Variants in ZNF382 observed in about 807,000 individuals in gnomAD.
The protein encoded by ZNF382 is KRAB/zinc finger suppressor protein 1.
ZNF382 carries 20 observed loss-of-function variants against 38.8 expected under a neutral mutation model. The ratio of observed to expected loss-of-function variants is 0.51; its 90% CI spans 0.36 to 0.75. ZNF382 has a LOEUF of 0.75. Ranked by LOEUF, ZNF382 falls within the 30% of genes least tolerant of loss-of-function variation. The pLI, the probability that ZNF382 is intolerant of heterozygous loss-of-function variation, is 0.00. For missense variants in ZNF382, 546 were observed against 654.1 expected (o/e 0.83, Z 1.80); for synonymous variants, 202 against 223.1 (o/e 0.91, Z 0.84).
chr19:36,610,078 A>G, intron 3 of ZNF382, 25 bp downstream of exon 3: 2 of 1,611,718 alleles, frequency 1.2e-6, no homozygotes, highest in Non-Finnish European at 8.5e-7. Flanking sequence ...TGAATCTTTC[A>G]CTGTCATGCA....
chr19:36,607,506 C>T, intron 1 of ZNF382, 46 bp from the exon 2 acceptor site: 1 of 1,167,732 alleles, frequency 8.6e-7, no homozygotes, highest in Non-Finnish European at 1.2e-6. Flanking sequence ...AGTTCTGAGT[C>T]AAGTATGGTC....
At chr19:36,619,397 C>T (rs771214603) in intron 4 of ZNF382, among the ~76,000 whole-genome samples, 1 of 152,126 alleles carries the variant, frequency 6.6e-6, no homozygotes, top group Admixed American at 6.5e-5. Context: ...TGTCTTGTTC[C>T]GATGCTTATC....
intron 2 of ZNF382, chr19:36,608,162 T>C (rs1267486605): frequency 6.6e-6 from 1 of 152,564 alleles, no homozygotes; most frequent in Non-Finnish European, 1.5e-5. Flanking sequence ...CGTTGGGAAA[T>C]AGAAGTGGTA....
chr19:36,614,598 C>A (rs1283244709), intron 4 of ZNF382, among the ~76,000 whole-genome samples: 2 of 152,052 alleles, frequency 1.3e-5, no homozygotes, highest in Non-Finnish European at 2.9e-5. Flanking sequence ...CATTAAGTTT[C>A]TCTCTAAGCT....
chr19:36,618,420 C>T (rs865902643), intron 4 of ZNF382, among the ~76,000 whole-genome samples: 1 of 152,154 alleles, frequency 6.6e-6, no homozygotes, highest in Non-Finnish European at 1.5e-5. Context: ...TGGCTTATGC[C>T]AACTTTGGGG....
Position 36,629,602 on chromosome 19 carries a change from G to C in ZNF382, c.*2052G>C, listed in dbSNP as rs1020197104. The C allele has an allele frequency of 6.6e-6, 1 of 152,078 alleles. No homozygotes were observed. Among genetic ancestry groups the C allele is most frequent in the South Asian group, 2.1e-4 (1 of 4,820 alleles). 9.4% of individuals were successfully genotyped at this position (152,078 alleles called of 1,614,324 possible). ...ATTTAACTTGATTGTTTTATTAAAA[G>C]GGAAAAGTAATTTTTTAGTATCTGT... On this transcript the variant is annotated 3_prime_UTR_variant, in exon 5 of 5. Transcript: ENST00000292928.
chr19:36,621,743 C>CTACA (rs2037172478), intron 4 of ZNF382, among the ~76,000 whole-genome samples: 1 of 152,126 alleles, frequency 6.6e-6, no homozygotes, highest in African/African-American at 2.4e-5. Context: ...TATGCAAATA[C>CTACA]TACACTATTT....
At chr19:36,625,089 A>AATTATAT (rs1555793702) in intron 4 of ZNF382, among the ~76,000 whole-genome samples, 1 of 42,972 alleles carries the variant, frequency 2.3e-5, no homozygotes, top group Non-Finnish European at 4.7e-5. Context: ...AATGAATTTA[A>AATTATAT]ATATATATAT....
intron 4 of ZNF382, among the ~76,000 whole-genome samples, chr19:36,615,833 T>C (rs961839691): frequency 1.3e-5 from 2 of 152,190 alleles, no homozygotes; most frequent in African/African-American, 4.8e-5. Context: ...GTTTTAAACA[T>C]AGTAAATATA....
intron 4 of ZNF382, among the ~76,000 whole-genome samples, chr19:36,624,651 T>C (rs1285268765): frequency 6.6e-6 from 1 of 152,198 alleles, no homozygotes; most frequent in East Asian, 1.9e-4. Flanking sequence ...AACTCAAACC[T>C]ATCTTTCCCT....
In ZNF382 at chr19:36,623,793, CA is replaced by C. The variant is rs11454382; in HGVS notation, c.233-2324del. Among the ~76,000 whole-genome samples, 772 of 131,928 alleles carry C rather than the reference CA, an allele frequency of 5.9e-3. 4 individuals are homozygous for C. Among genetic ancestry groups the C allele is most frequent in the Non-Finnish European group, 9.1e-3 (553 of 60,492 alleles). The allele number at this position is 131,928 out of a possible 152,430, so 86.5% of individuals were successfully genotyped here. On this transcript the variant is annotated intron_variant, in intron 4 of 4. Coordinates refer to ENST00000292928, the MANE Select transcript of ZNF382 (RefSeq NM_032825.5). ...TGGGTGACAGAGTGAGACTCTGTCT[CA>C]AAAAAAAAAAAAGGGGCCGGGCGCA...
chr19:36,625,601 C>T (rs544340890), intron 4 of ZNF382, among the ~76,000 whole-genome samples: 2 of 151,296 alleles, frequency 1.3e-5, no homozygotes, highest in Non-Finnish European at 2.9e-5. Flanking sequence ...CTCTTGTTGC[C>T]CAGGCTGGAG....
intron 3 of ZNF382, chr19:36,610,403 T>A: frequency 2.6e-6 from 1 of 390,964 alleles, no homozygotes; most frequent in Non-Finnish European, 4.6e-6. Flanking sequence ...TTGCAGTGAG[T>A]TGAGATTGCA....
intron 4 of ZNF382, among the ~76,000 whole-genome samples, chr19:36,614,519 C>T (rs775702005): frequency 1.3e-5 from 2 of 152,142 alleles, no homozygotes; most frequent in Non-Finnish European, 2.9e-5. Context: ...TATAACTTTC[C>T]ATTTTAGTTA....
chr19:36,614,203 G>A (rs2037102586), intron 4 of ZNF382, among the ~76,000 whole-genome samples: 1 of 152,146 alleles, frequency 6.6e-6, no homozygotes, highest in African/African-American at 2.4e-5. Flanking sequence ...AGCCGGATAT[G>A]GTGGCACATG....
In ZNF382 at chr19:36,633,317, C is replaced by G. The variant is rs182339271; in HGVS notation, c.*5767C>G. The G allele has an allele frequency of 6.7e-6, 1 of 149,186 alleles. No individual in the cohort carries two copies. Among genetic ancestry groups the G allele is most frequent in the Non-Finnish European group, 1.5e-5 (1 of 68,066 alleles). The allele number at this position is 149,186 out of a possible 1,614,324, so 9.2% of individuals were successfully genotyped here. A position where few individuals can be genotyped will look rare whatever the true frequency, so the allele number is the denominator to read the frequency against. ...CCTCCCAAAGTGCTGGGATTACAGG[C>G]GTGAGCCACCGCACCCGGCCTATAA... On this transcript the variant is annotated 3_prime_UTR_variant, in exon 5 of 5. Coordinates refer to ENST00000292928, the MANE Select transcript of ZNF382 (RefSeq NM_032825.5).
rs1181743350 is a variant in ZNF382 at position 36,629,431 on chromosome 19, G to A, written c.*1881G>A. The A allele has an allele frequency of 9.9e-5, 15 of 152,110 alleles. No individual in the cohort carries two copies. Among genetic ancestry groups the A allele is most frequent in the Admixed American group, 9.2e-4 (14 of 15,244 alleles). 9.4% of individuals were successfully genotyped at this position (152,110 alleles called of 1,614,324 possible). On this transcript the variant is annotated 3_prime_UTR_variant, in exon 5 of 5. Coordinates refer to ENST00000292928, the MANE Select transcript of ZNF382 (RefSeq NM_032825.5). ...TCCAGTCAAGCCTTCAGATGACTGT[G>A]GACCCTGCTAACACCCAACTGGTAC... is the stretch of plus-strand genomic sequence containing the variant.
chr19:36,606,168 C>CA (rs2037022685), intron 1 of ZNF382, among the ~76,000 whole-genome samples: 1 of 152,054 alleles, frequency 6.6e-6, no homozygotes, highest in Admixed American at 6.6e-5. Flanking sequence ...AACTAAGTAG[C>CA]AATTTAGCAA....
Position 36,626,727 on chromosome 19 carries a change from T to C in ZNF382, c.830T>C (p.Leu277Pro). 1 of 1,614,152 alleles carries C rather than the reference T, an allele frequency of 6.2e-7. No homozygotes were observed. The highest frequency in any genetic ancestry group is 1.6e-4 in the Middle Eastern group (1 of 6,062). ...PSAYNKYGKF[L>P]CRKPVFIMPQ... ...GCCTACAACAAATATGGGAAATTCC[T>C]CTGCAGAAAGCCTGTTTTTATTATG... Residue 277 changes from leucine to proline, a missense_variant, in exon 5 of 5, where the codon CTC becomes CCC. By Grantham distance (98) the Leu-to-Pro change is moderately conservative. Coordinates refer to ENST00000292928, the MANE Select transcript of ZNF382 (RefSeq NM_032825.5).
Sources: gnomAD v4.1 joint callset for allele counts (sites outside exome capture counted in the v4.1 genomes callset) on GRCh38, gnomAD v4.1.1 for gene constraint, MANE v1.5 for transcripts, NCBI Gene and HGNC (gene_info 2026-07-23, HGNC 2026-07-21) for gene names.